PPIP5K2: variants seen among roughly 807,000 people sequenced by gnomAD.
The protein encoded by PPIP5K2 is diphosphoinositol pentakisphosphate kinase 2.
A neutral mutation model predicts 154.6 loss-of-function variants in PPIP5K2; 105 were observed. The observed-to-expected ratio is 0.68, with a 90% CI of 0.58 to 0.80. PPIP5K2 has a LOEUF of 0.80. PPIP5K2 is among the 30% of genes least tolerant of loss of function. The pLI is 0.00. For synonymous variants in PPIP5K2, 480 were observed against 490.3 expected (o/e 0.98, Z 0.28); for missense variants, 992 against 1,504.6 (o/e 0.66, Z 5.64).
intron 30 of PPIP5K2, among the ~76,000 whole-genome samples, chr5:103,198,458 G>A (rs185898489): frequency 6.6e-5 from 10 of 152,262 alleles, no homozygotes; most frequent in East Asian, 5.8e-4. Context: ...TGGCAGAGGG[G>A]TGTTCAAGGA....
Position 103,202,809 on chromosome 5 carries a change from T to C in PPIP5K2, c.*1175T>C, listed in dbSNP as rs1357309843. 1 of 152,150 alleles carries C rather than the reference T, an allele frequency of 6.6e-6. No individual in the cohort carries two copies. The highest frequency in any genetic ancestry group is 1.5e-5 in the Non-Finnish European group (1 of 67,988). The allele number at this position is 152,150 out of a possible 1,614,324, so 9.4% of individuals were successfully genotyped here. A position where few individuals can be genotyped will look rare whatever the true frequency, so the allele number is the denominator to read the frequency against. On this transcript the variant is annotated 3_prime_UTR_variant, in exon 31 of 31. Coordinates refer to ENST00000358359, the MANE Select transcript of PPIP5K2 (RefSeq NM_001276277.3). ...GACAATCTGATAAGAATTTCATGCA[T>C]TGGTAGTTAAATAACTTAAATTGCT...
intron 29 of PPIP5K2, among the ~76,000 whole-genome samples, chr5:103,193,660 A>G (rs1005499976): frequency 2.0e-5 from 3 of 152,122 alleles, no homozygotes; most frequent in African/African-American, 7.2e-5. Flanking sequence ...GATTATTTCC[A>G]TTAGTGACTA....
chr5:103,195,167 T>G, intron 30 of PPIP5K2, 142 bp downstream of exon 30: 1 of 1,047,372 alleles, frequency 9.5e-7, no homozygotes, highest in Non-Finnish European at 1.3e-6. Context: ...AAAAATCGAT[T>G]ATTGTAGTCA....
intron 30 of PPIP5K2, among the ~76,000 whole-genome samples, chr5:103,199,450 C>G (rs782791247): frequency 6.6e-6 from 1 of 152,086 alleles, no homozygotes; most frequent in Non-Finnish European, 1.5e-5. Context: ...TATTTCAGCA[C>G]TTTAATGATA....
chr5:103,140,846 A>C (rs1386219282), intron 5 of PPIP5K2, among the ~76,000 whole-genome samples: 1 of 152,040 alleles, frequency 6.6e-6, no homozygotes, highest in Non-Finnish European at 1.5e-5. Context: ...CAAAAAAAAA[A>C]AAAAAAAAAA....
chr5:103,162,549 G>C (rs1460322656), intron 17 of PPIP5K2, among the ~76,000 whole-genome samples: 2 of 151,766 alleles, frequency 1.3e-5, no homozygotes, highest in African/African-American at 4.8e-5. Flanking sequence ...TTTTTGTAGA[G>C]ACTGGGTCTC....
Position 103,190,973 on chromosome 5 carries a change from G to C in PPIP5K2, c.3484G>C (p.Ala1162Pro), listed in dbSNP as rs115683549. 1.7e-5 allele frequency: 27 copies of C among 1,602,098 alleles called. No homozygotes were observed. In the South Asian group the frequency reaches 2.8e-4, roughly 17 times the overall value. The change falls in exon 29 of 31, where the codon GCT (alanine) becomes CCT (proline). Residue 1162 changes from alanine to proline, a missense_variant. By Grantham distance (27) the Ala-to-Pro change is conservative. Transcript: ENST00000358359. ...ATCATCTGACGTTCCACGGAAGACC[G>C]CTGAAATTTGTAGGAAATTTTTCTT... ...SPSSDVPRKT[A>P]EISSTALRSS...
Position 103,167,225 on chromosome 5 carries a change from T to C in PPIP5K2, c.1967T>C (p.Ile656Thr). Residue 656 changes from isoleucine to threonine, a missense_variant, in exon 18 of 31, where the codon ATT (isoleucine) becomes ACT (threonine). Physicochemically the swap from Ile to Thr is moderately conservative, Grantham distance 89 (BLOSUM62 -1). Coordinates refer to ENST00000358359, the MANE Select transcript of PPIP5K2 (RefSeq NM_001276277.3). The stretch of plus-strand genomic sequence containing the variant: ...TCTCTTATCAAATCAATGCATTTAA[T>C]TAAAAACCCTGTGAAGACCTGTGAT... ...SISLIKSMHL[I>T]KNPVKTCDKV... The C allele has an allele frequency of 6.3e-7, 1 of 1,594,274 alleles. No individual in the cohort carries two copies. Among genetic ancestry groups the C allele is most frequent in the Non-Finnish European group, 8.6e-7 (1 of 1,169,450 alleles).
In PPIP5K2 at chr5:103,190,913, CA is replaced by C; in HGVS notation, c.3426del (p.Val1143TrpfsTer32). 3 of 1,609,812 alleles carry C rather than the reference CA, an allele frequency of 1.9e-6. No individual in the cohort carries two copies. Among genetic ancestry groups the C allele is most frequent in the South Asian group, 2.2e-5 (2 of 90,432 alleles). ...ETLHNALSLKQVDEFLASIAS... is the reference protein window; with the variant it reads ...ETLHNALSLKXVDEFLASIAS... The stretch of plus-strand genomic sequence containing the variant: ...TCTTCATAATGCCCTATCTTTAAAG[CA>C]AGTGGATGAATTTCTTGCTTCCATT... On this transcript the variant is annotated frameshift_variant, in exon 29 of 31. Transcript: ENST00000358359. LOFTEE classifies it high-confidence loss of function.
intron 23 of PPIP5K2, among the ~76,000 whole-genome samples, chr5:103,178,833 AC>A (rs1286125070): frequency 3.3e-5 from 5 of 151,720 alleles, no homozygotes; most frequent in African/African-American, 1.2e-4. Flanking sequence ...ATTGTTTTAC[AC>A]CATCTTTGTC....
At chr5:103,152,612 G>C in intron 9 of PPIP5K2, 36 bp from the exon 10 acceptor site, 1 of 1,355,054 alleles carries the variant, frequency 7.4e-7, no homozygotes, top group Non-Finnish European at 1.1e-6. Context: ...GTCTTAAAAC[G>C]TACTAATTTT....
chr5:103,182,399 C>T lies in PPIP5K2; in HGVS notation c.2923-835C>T, dbSNP rs76465584. Among the ~76,000 whole-genome samples the T allele has an allele frequency of 6.7e-3, 1,027 of 152,202 alleles. 7 individuals are homozygous for T. The highest frequency in any genetic ancestry group is 0.013 in the Non-Finnish European group (854 of 67,990). On this transcript the variant is annotated intron_variant, in intron 24 of 30. Coordinates refer to ENST00000358359, the MANE Select transcript of PPIP5K2 (RefSeq NM_001276277.3). ...TGATTTCAAGAGATTATTTCTATGC[C>T]ATGCTAAACTTTTACTTCCATAAGG...
intron 28 of PPIP5K2, among the ~76,000 whole-genome samples, chr5:103,190,454 C>G (rs1009299866): frequency 6.6e-6 from 1 of 151,916 alleles, no homozygotes; most frequent in Non-Finnish European, 1.5e-5. Context: ...TGTTAGCGTC[C>G]TGGCATCAGG....
At chr5:103,177,576 C>T (rs113121560) in intron 21 of PPIP5K2, 91 bp from the exon 22 acceptor site, 23 of 778,192 alleles carry the variant, frequency 3.0e-5, no homozygotes, top group African/African-American at 2.1e-4. Context: ...TGTGGTATCA[C>T]TAGGATTAAA....
chr5:103,151,211 A>T, intron 8 of PPIP5K2, 42 bp from the exon 9 acceptor site: 1 of 1,502,256 alleles, frequency 6.7e-7, no homozygotes, highest in Non-Finnish European at 9.0e-7. Flanking sequence ...GAATCTTAAT[A>T]ATTTAAATAA....
chr5:103,128,372 C>T (rs1790065303), intron 1 of PPIP5K2, among the ~76,000 whole-genome samples: 1 of 150,844 alleles, frequency 6.6e-6, no homozygotes, highest in Admixed American at 6.6e-5. Flanking sequence ...TGAGATGCTA[C>T]TGCTCTTATA....
intron 26 of PPIP5K2, 24 bp from the exon 27 acceptor site, chr5:103,186,296 T>C (rs1554224963): frequency 2.5e-6 from 4 of 1,613,202 alleles, no homozygotes; most frequent in Admixed American, 3.3e-5. Context: ...CCGTTGTGTA[T>C]GTATTTTCTC....
At chr5:103,187,223 C>G in intron 27 of PPIP5K2, 91 bp from the exon 28 acceptor site, 9 of 891,656 alleles carry the variant, frequency 1.0e-5, no homozygotes, top group Non-Finnish European at 1.5e-5. Flanking sequence ...ACCTTTCTAA[C>G]CTCCTCATAT....
intron 21 of PPIP5K2, chr5:103,176,879 A>G: frequency 1.4e-6 from 2 of 1,440,598 alleles, no homozygotes; most frequent in South Asian, 1.2e-5. Flanking sequence ...AATGATTCTC[A>G]GAATGAAGAT....
Sources: allele counts gnomAD v4.1 joint callset (sites outside exome capture counted in the v4.1 genomes callset), GRCh38; gene constraint gnomAD v4.1.1; transcripts MANE v1.5; gene names NCBI Gene and HGNC (gene_info 2026-07-23, HGNC 2026-07-21).